Variants in FPR3 observed in about 807,000 individuals in gnomAD.
FPR3 encodes the protein formyl peptide receptor 3.
For missense variants in FPR3, 346 were observed against 443.2 expected (o/e 0.78, Z 1.97); for synonymous variants, 135 against 163.6 (o/e 0.83, Z 1.34).
Position 51,824,613 on chromosome 19 carries a change from T to C in FPR3, c.865T>C (p.Ser289Pro). The C allele has an allele frequency of 6.2e-7, 1 of 1,614,142 alleles. No homozygotes were observed. The highest frequency in any genetic ancestry group is 8.5e-7 in the Non-Finnish European group (1 of 1,180,012). ...IILVLINPTS[S>P]LAFFNSCLNP... Reference sequence around the variant, plus strand: ...TCTTGTCCTGATTAACCCAACAAGCTCCTTGGCCTTTTTTAACAGCTGCCT... The same window carrying C: ...TCTTGTCCTGATTAACCCAACAAGCCCCTTGGCCTTTTTTAACAGCTGCCT... Residue 289 changes from serine to proline, a missense_variant, in exon 2 of 2, where the codon TCC becomes CCC. Coordinates refer to ENST00000339223, the MANE Select transcript of FPR3 (RefSeq NM_002030.5). The surrounding 1 kb of genome is among the most constrained non-coding windows in gnomAD (Gnocchi z 4.7).
At chr19:51,817,526 T>TA (rs2084147649) in intron 1 of FPR3, among the ~76,000 whole-genome samples, 3 of 149,692 alleles carry the variant, frequency 2.0e-5, no homozygotes, top group South Asian at 2.1e-4. Context: ...GTTTTTTTTT[T>TA]TAAATTATTG....
intron 1 of FPR3, chr19:51,811,359 C>T (rs376499961): frequency 6.6e-6 from 1 of 152,174 alleles, no homozygotes; most frequent in African/African-American, 2.4e-5. Flanking sequence ...AGCAACTGCA[C>T]ATAATTATTT....
At chr19:51,814,084 C>T (rs1404216831) in intron 1 of FPR3, among the ~76,000 whole-genome samples, 2 of 152,122 alleles carry the variant, frequency 1.3e-5, no homozygotes, top group African/African-American at 4.8e-5. Flanking sequence ...ATAGTAAATT[C>T]CTTCTTGGTT....
rs945984361 is a variant in FPR3, at chr19:51,803,172, G to A, written c.-11+7841G>A. 4.6e-5 allele frequency among the ~76,000 whole-genome samples: 7 copies of A among 151,844 alleles called. No homozygotes were observed. In the East Asian group the frequency reaches 5.8e-4, roughly 13 times the overall value. On this transcript the variant is annotated intron_variant, in intron 1 of 1. Transcript: ENST00000339223. ...TTAATTTAACTAAAATTAAAATAAC[G>A]TGAACCAAGTCATGTCTAGTAAATT... is the stretch of plus-strand genomic sequence containing the variant.
intron 1 of FPR3, among the ~76,000 whole-genome samples, chr19:51,798,784 T>G (rs926173582): frequency 1.3e-5 from 2 of 152,182 alleles, no homozygotes; most frequent in African/African-American, 4.8e-5. Flanking sequence ...TTGCTATCAT[T>G]CTTAAAGAGG....
rs116381509 is a variant in FPR3, at chr19:51,799,616, G to A, written c.-11+4285G>A. Among the ~76,000 whole-genome samples the A allele has an allele frequency of 2.5e-3, 378 of 152,324 alleles. 2 individuals are homozygous for A. The highest frequency in any genetic ancestry group is 8.8e-3 in the African/African-American group (364 of 41,568). ...CCATTTTGCTGCTTCGTGCAGCTTAGTACTGCTGTCCTCAGCAGTTAACTT... is the reference window on the plus strand; with the variant it reads ...CCATTTTGCTGCTTCGTGCAGCTTAATACTGCTGTCCTCAGCAGTTAACTT... On this transcript the variant is annotated intron_variant, in intron 1 of 1. Transcript: ENST00000339223.
intron 1 of FPR3, among the ~76,000 whole-genome samples, chr19:51,818,506 C>T (rs967529910): frequency 2.6e-5 from 4 of 152,128 alleles, no homozygotes; most frequent in African/African-American, 9.7e-5. Context: ...AATAAATGAA[C>T]AAACAAATAA....
At chr19:51,817,589 T>C (rs2084148760) in intron 1 of FPR3, 1 of 152,180 alleles carries the variant, frequency 6.6e-6, no homozygotes, top group Non-Finnish European at 1.5e-5. Context: ...CCATTCAGCT[T>C]TTTTTTCTTT....
Position 51,823,835 on chromosome 19 carries a change from A to G in FPR3, c.87A>G (p.Ser29=), listed in dbSNP as rs752886660. The change falls in exon 2 of 2, where the codon TCA becomes TCG. Residue 29 remains serine, a synonymous_variant. Transcript: ENST00000339223. ...GCCACACCGTTCTGTGGATCTTCTC[A>G]TTGCTAGTCCACGGAGTCACCTTTG... ...PAGHTVLWIF[S]LLVHGVTFVF... is the part of the protein sequence containing the mutation. 3.1e-6 allele frequency: 5 copies of G among 1,613,960 alleles called. No individual in the cohort carries two copies. Among genetic ancestry groups the G allele is most frequent in the Non-Finnish European group, 4.2e-6 (5 of 1,179,944 alleles).
chr19:51,814,466 C>T (rs1315749996), intron 1 of FPR3, among the ~76,000 whole-genome samples: 1 of 149,994 alleles, frequency 6.7e-6, no homozygotes, highest in African/African-American at 2.5e-5. Context: ...GCATCTGCCT[C>T]ACCTCTCAAG....
At chr19:51,819,735 G>C (rs538719363) in intron 1 of FPR3, among the ~76,000 whole-genome samples, 1 of 152,314 alleles carries the variant, frequency 6.6e-6, no homozygotes, top group African/African-American at 2.4e-5. Flanking sequence ...CTAAAGTTTG[G>C]CTAGGAATTC....
At chr19:51,823,480 T>C (rs2084205748) in intron 1 of FPR3, among the ~76,000 whole-genome samples, 1 of 152,208 alleles carries the variant, frequency 6.6e-6, no homozygotes, top group Non-Finnish European at 1.5e-5. Context: ...GTTCAGTATT[T>C]CCGCTGGTGG....
Position 51,824,595 on chromosome 19 carries a change from C to T in FPR3, c.847C>T (p.Leu283=). The T allele has an allele frequency of 1.2e-6, 2 of 1,614,178 alleles. No homozygotes were observed. The highest frequency in any genetic ancestry group is 8.5e-7 in the Non-Finnish European group (1 of 1,180,018). Residue 283 remains leucine (L), a synonymous_variant, in exon 2 of 2, where the codon CTG becomes TTG. Coordinates refer to ENST00000339223, the MANE Select transcript of FPR3 (RefSeq NM_002030.5). This position sits in a 1 kb window ranked among gnomAD's most constrained non-coding sequence, Gnocchi z 4.7. The part of the protein sequence containing the change: ...LNGKYKIILV[L]INPTSSLAFF... ...TGGCAAATACAAAATCATTCTTGTC[C>T]TGATTAACCCAACAAGCTCCTTGGC...
chr19:51,815,401 A>C (rs2084127815), intron 1 of FPR3, among the ~76,000 whole-genome samples: 1 of 152,078 alleles, frequency 6.6e-6, no homozygotes, highest in South Asian at 2.1e-4. Flanking sequence ...CTCTACTGAA[A>C]ATACAAAAAT....
At position 51,825,055 on chromosome 19, in the gene FPR3, C is replaced by T. The variant is rs1297245189; in HGVS notation, c.*245C>T. The T allele has an allele frequency of 6.8e-6, 3 of 442,656 alleles. No homozygotes were observed. The highest frequency in any genetic ancestry group is 2.0e-5 in the African/African-American group (1 of 49,990). The allele number at this position is 442,656 out of a possible 1,614,324, so 27.4% of individuals were successfully genotyped here. On this transcript the variant is annotated 3_prime_UTR_variant, in exon 2 of 2. Transcript: ENST00000339223. ...CTGTCAGATCCCACAGGTTTAAGGG[C>T]TCATTCCCCAAGTCTGCTCCTCCAG...
At chr19:51,799,298 C>T (rs966234033) in intron 1 of FPR3, among the ~76,000 whole-genome samples, 6 of 152,228 alleles carry the variant, frequency 3.9e-5, no homozygotes, top group African/African-American at 1.4e-4. Flanking sequence ...TCATTGAAGC[C>T]GCACCCACAA....
chr19:51,809,097 T>C (rs1439381360), intron 1 of FPR3, among the ~76,000 whole-genome samples: 3 of 152,280 alleles, frequency 2.0e-5, no homozygotes, highest in East Asian at 3.8e-4. Flanking sequence ...TCCCCTCTGA[T>C]ATCTCATGTT....
At chr19:51,812,285 G>A (rs557074969) in intron 1 of FPR3, among the ~76,000 whole-genome samples, 4 of 152,250 alleles carry the variant, frequency 2.6e-5, no homozygotes, top group South Asian at 4.1e-4. Flanking sequence ...TAAACAAAAC[G>A]TGATTAATAA....
intron 1 of FPR3, among the ~76,000 whole-genome samples, chr19:51,814,433 T>C (rs948174703): frequency 6.6e-6 from 1 of 152,200 alleles, no homozygotes; most frequent in African/African-American, 2.4e-5. Flanking sequence ...GGTAATGATA[T>C]TGGATAACGG....
Sources: allele counts gnomAD v4.1 joint callset (sites outside exome capture counted in the v4.1 genomes callset), GRCh38; gene constraint gnomAD v4.1.1; non-coding constraint Gnocchi (gnomAD v3.1); transcripts MANE v1.5; gene names NCBI Gene and HGNC (gene_info 2026-07-23, HGNC 2026-07-21).